The following FILIP1L variants were observed in gnomAD, a reference collection of about 807,000 sequenced individuals.
FILIP1L encodes filamin A interacting protein 1 like, also known as filamin A-interacting protein 1-like.
FILIP1L carries 55 observed loss-of-function variants against 96.6 expected under a neutral mutation model. The observed-to-expected ratio is 0.57, with a 90% CI of 0.46 to 0.71. FILIP1L has a LOEUF of 0.71. FILIP1L is among the 30% of genes least tolerant of loss of function. FILIP1L has a pLI of 0.00. For synonymous variants in FILIP1L, 467 were observed against 473.9 expected (o/e 0.99, Z 0.19); for missense variants, 1,304 against 1,321.2 (o/e 0.99, Z 0.20).
intron 3 of FILIP1L, among the ~76,000 whole-genome samples, chr3:99,927,654 C>T (rs1435871496): frequency 6.6e-6 from 1 of 152,186 alleles, no homozygotes; most frequent in African/African-American, 2.4e-5. Context: ...CAGGCATGAG[C>T]CACTGCGCCC....
chr3:99,884,113 T>C (rs761576080), intron 4 of FILIP1L, among the ~76,000 whole-genome samples: 2 of 152,200 alleles, frequency 1.3e-5, no homozygotes, highest in African/African-American at 2.4e-5. Context: ...TTATAGTTCA[T>C]GGAACTAAGA....
chr3:99,961,930 T>G (rs958338440), intron 1 of FILIP1L, among the ~76,000 whole-genome samples: 1 of 152,136 alleles, frequency 6.6e-6, no homozygotes, highest in Non-Finnish European at 1.5e-5. Context: ...AGTCTGTGAT[T>G]CCTGCCCTTC....
chr3:99,931,108 G>T, intron 1 of FILIP1L, 78 bp from the exon 2 acceptor site: 3 of 1,206,656 alleles, frequency 2.5e-6, no homozygotes, highest in Non-Finnish European at 2.4e-6. Flanking sequence ...GCTTTAACAA[G>T]TCTACATTCT....
chr3:100,009,493 A>G (rs771857569), intron 1 of FILIP1L, among the ~76,000 whole-genome samples: 88 of 151,150 alleles, frequency 5.8e-4, no homozygotes, highest in Non-Finnish European at 4.8e-4. Context: ...GCACATAGGC[A>G]AGCACGGTAT....
intron 1 of FILIP1L, among the ~76,000 whole-genome samples, chr3:99,967,865 A>C (rs1157176447): frequency 6.6e-6 from 1 of 152,226 alleles, no homozygotes; most frequent in Non-Finnish European, 1.5e-5. Flanking sequence ...CAACATGCTC[A>C]GGAAAGTTAA....
chr3:99,847,121 A>T (rs557755983), intron 5 of FILIP1L, among the ~76,000 whole-genome samples: 1 of 152,134 alleles, frequency 6.6e-6, no homozygotes, highest in Non-Finnish European at 1.5e-5. Flanking sequence ...ACTTCTTTCA[A>T]CTAACATACT....
At chr3:99,992,102 C>T (rs975649027) in intron 1 of FILIP1L, among the ~76,000 whole-genome samples, 2 of 151,344 alleles carry the variant, frequency 1.3e-5, no homozygotes, top group Non-Finnish European at 2.9e-5. Flanking sequence ...TGTATCTTTG[C>T]TATTGTGCAT....
In FILIP1L at chr3:99,848,444, C is replaced by T. The variant is rs763895478; in HGVS notation, c.3232G>A (p.Val1078Met). The change falls in exon 5 of 6, where the codon GTG becomes ATG. Residue 1078 changes from valine (V) to methionine (M), a missense_variant. By Grantham distance (21) the Val-to-Met change is conservative (BLOSUM62 1). Coordinates refer to ENST00000477258, the MANE Select transcript of FILIP1L (RefSeq NM_001387850.1). ...GGTGCTGAAGGGCTGGCAGGTCTCACAGGGCTGGCTACAGCTTGCATGTAA... is the reference window on the plus strand; with the variant it reads ...GGTGCTGAAGGGCTGGCAGGTCTCATAGGGCTGGCTACAGCTTGCATGTAA... Reference protein sequence around the residue: ...SPYMQAVASPVRPASPSAPLQ... With the variant: ...SPYMQAVASPMRPASPSAPLQ... 6.2e-7 allele frequency: 1 copy of T among 1,614,056 alleles called. No homozygotes were observed. The highest frequency in any genetic ancestry group is 8.5e-7 in the Non-Finnish European group (1 of 1,180,016).
chr3:100,046,182 T>C (rs17393080), intron 1 of FILIP1L, among the ~76,000 whole-genome samples: 1,838 of 152,220 alleles, frequency 0.012, 24 homozygotes, highest in African/African-American at 0.028. Flanking sequence ...CACTGATAAC[T>C]CTATGAATCT....
intron 1 of FILIP1L, among the ~76,000 whole-genome samples, chr3:100,008,879 G>T (rs1296000409): frequency 6.6e-6 from 1 of 152,130 alleles, no homozygotes; most frequent in African/African-American, 2.4e-5. Context: ...GGGCATGGGT[G>T]GGATTAATTA....
intron 1 of FILIP1L, among the ~76,000 whole-genome samples, chr3:100,110,747 T>C (rs1396817312): frequency 6.6e-6 from 1 of 152,066 alleles, no homozygotes; most frequent in Non-Finnish European, 1.5e-5. Context: ...CCATATAGAG[T>C]ATTTTTTCTT....
At chr3:100,068,639 T>C (rs1006566021) in intron 1 of FILIP1L, among the ~76,000 whole-genome samples, 10 of 152,216 alleles carry the variant, frequency 6.6e-5, no homozygotes, top group African/African-American at 2.4e-4. Context: ...TTGTTTTTTG[T>C]ATTTTTGAGA....
At chr3:99,938,872 A>G (rs1266205558) in intron 1 of FILIP1L, among the ~76,000 whole-genome samples, 1 of 152,174 alleles carries the variant, frequency 6.6e-6, no homozygotes, top group East Asian at 1.9e-4. Flanking sequence ...ACTCACCCAC[A>G]TTTGAAGACA....
chr3:99,929,551 T>A (rs1165796215), intron 3 of FILIP1L, among the ~76,000 whole-genome samples: 3 of 151,444 alleles, frequency 2.0e-5, no homozygotes, highest in African/African-American at 7.3e-5. Context: ...TAAGCACATG[T>A]ATGTGTGTGC....
Position 99,848,440 on chromosome 3 carries a change from C to G in FILIP1L, c.3236G>C (p.Arg1079Thr). ...CAGTGGTGCTGAAGGGCTGGCAGGT[C>G]TCACAGGGCTGGCTACAGCTTGCAT... Reference protein sequence around the residue: ...PYMQAVASPVRPASPSAPLQD... With the variant: ...PYMQAVASPVTPASPSAPLQD... Residue 1079 changes from arginine (R) to threonine (T), a missense_variant, in exon 5 of 6, where the codon AGA becomes ACA. Arg to Thr is a moderately conservative substitution (Grantham distance 71). Coordinates refer to ENST00000477258, the MANE Select transcript of FILIP1L (RefSeq NM_001387850.1). The G allele has an allele frequency of 6.2e-7, 1 of 1,614,160 alleles. No homozygotes were observed. Among genetic ancestry groups the G allele is most frequent in the Non-Finnish European group, 8.5e-7 (1 of 1,180,006 alleles).
In FILIP1L at chr3:99,949,684, A is replaced by G. The variant is rs75618615; in HGVS notation, c.-10-18654T>C. On this transcript the variant is annotated intron_variant, in intron 1 of 5. Coordinates refer to ENST00000477258, the MANE Select transcript of FILIP1L (RefSeq NM_001387850.1). ...ATAATTTCCTAATCAGAAAGGTACA[A>G]CAACACTTAAAAGGTGATTAGAGTT... Among the ~76,000 whole-genome samples the G allele has an allele frequency of 4.1e-3, 623 of 152,354 alleles. 6 individuals are homozygous for G. The highest frequency in any genetic ancestry group is 7.2e-3 in the Non-Finnish European group (489 of 68,032).
chr3:99,916,809 C>T (rs779835207), intron 4 of FILIP1L, among the ~76,000 whole-genome samples: 2 of 152,176 alleles, frequency 1.3e-5, no homozygotes, highest in Non-Finnish European at 2.9e-5. Context: ...CCTTTCTGTG[C>T]AGTGATACTC....
intron 1 of FILIP1L, among the ~76,000 whole-genome samples, chr3:100,027,473 CAGCTCCTTGT>C: frequency 6.6e-6 from 1 of 152,264 alleles, no homozygotes; most frequent in Middle Eastern, 3.4e-3. Flanking sequence ...GCTTCTCCAG[CAGCTCCTTGT>C]AGCTTGGGAA....
At chr3:99,886,907 T>C (rs1023859937) in intron 4 of FILIP1L, among the ~76,000 whole-genome samples, 3 of 147,792 alleles carry the variant, frequency 2.0e-5, no homozygotes, top group African/African-American at 7.6e-5. Context: ...GAGGCAGAGG[T>C]TGTAGTGAGC....
Sources: gnomAD v4.1 joint callset for allele counts (sites outside exome capture counted in the v4.1 genomes callset) on GRCh38, gnomAD v4.1.1 for gene constraint, MANE v1.5 for transcripts, NCBI Gene and HGNC (gene_info 2026-07-23, HGNC 2026-07-21) for gene names.